TRPM7: variants seen among roughly 807,000 people sequenced by gnomAD.
TRPM7 encodes the protein transient receptor potential cation channel subfamily M member 7, also known as LTRPC ion channel family member 7.
Under a neutral mutation model 229.7 loss-of-function variants are expected in TRPM7, and 134 were observed. That is an observed-to-expected ratio of 0.58 (90% CI 0.51 to 0.67). The LOEUF (loss-of-function observed/expected upper bound fraction) is 0.67, where lower values mean the gene tolerates loss of function less well. TRPM7 is among the 30% of genes least tolerant of loss of function. The pLI is 0.00. For missense variants in TRPM7, 1,901 were observed against 2,210.0 expected (o/e 0.86, Z 2.80); for synonymous variants, 699 against 715.2 (o/e 0.98, Z 0.36).
Position 50,575,807 on chromosome 15 carries a change from A to C in TRPM7, c.4670-18T>G, listed in dbSNP as rs779023493. On this transcript the variant is annotated intron_variant, in intron 32 of 38. Transcript: ENST00000646667. ...TTCCACAGCTGCATAAAAATGAGAG[A>C]GAAATAATTAAATCTGTAAAGGTCC... 4 of 1,613,166 alleles carry C rather than the reference A, an allele frequency of 2.5e-6. No individual in the cohort carries two copies. Among genetic ancestry groups the C allele is most frequent in the Admixed American group, 3.3e-5 (2 of 59,908 alleles).
chr15:50,603,782 AG>A (rs1160370602), intron 21 of TRPM7, among the ~76,000 whole-genome samples: 6 of 152,216 alleles, frequency 3.9e-5, no homozygotes, highest in African/African-American at 1.4e-4. Flanking sequence ...AGAAACTCTA[AG>A]AATAGCTTTT....
Position 50,625,730 on chromosome 15 carries a change from T to C in TRPM7, c.1306-1430A>G, listed in dbSNP as rs2140595594. ...TTTAAGTATATACTGATGAAATGTA[T>C]GCCTTTTACATGATGGAATTTAAAG... On this transcript the variant is annotated intron_variant, in intron 11 of 38. Coordinates refer to ENST00000646667, the MANE Select transcript of TRPM7 (RefSeq NM_017672.6). Among the ~76,000 whole-genome samples, 3 of 152,328 alleles carry C rather than the reference T, an allele frequency of 2.0e-5. 1 individual carries two copies. In the East Asian group the frequency reaches 5.8e-4, roughly 29 times the overall value.
chr15:50,662,078 G>A (rs1387656545), intron 2 of TRPM7, among the ~76,000 whole-genome samples: 2 of 152,096 alleles, frequency 1.3e-5, no homozygotes, highest in Non-Finnish European at 2.9e-5. Context: ...ACTAGGGCTG[G>A]GCGCGGTGGC....
Position 50,557,309 on chromosome 15 carries a change from TGCCCA to T in TRPM7, c.*4364_*4368del. On this transcript the variant is annotated 3_prime_UTR_variant, in exon 39 of 39. Transcript: ENST00000646667. ...ATTCAGATTTTTTTTTCTTACAGTA[TGCCCA>T]TCACAAACCAGGCAGCAAGCAAGGT... 1 of 152,160 alleles carries T rather than the reference TGCCCA, an allele frequency of 6.6e-6. No individual in the cohort carries two copies. Among genetic ancestry groups the T allele is most frequent in the Non-Finnish European group, 1.5e-5 (1 of 68,032 alleles). 9.4% of individuals were successfully genotyped at this position (152,160 alleles called of 1,614,324 possible).
Position 50,605,134 on chromosome 15 carries a change from G to A in TRPM7, c.2720C>T (p.Ser907Phe). Residue 907 changes from serine to phenylalanine, a missense_variant, in exon 21 of 39, where the codon TCT (serine) becomes TTT (phenylalanine). Around this residue, in one of 8 missense-constraint regions of TRPM7, gnomAD observed 207 missense variants for 241.5 expected, o/e 0.86. Coordinates refer to ENST00000646667, the MANE Select transcript of TRPM7 (RefSeq NM_017672.6). The part of the protein sequence containing the change: ...AIEKVREIFM[S>F]EAGKVNQKIK... ...CTTCTGGTTTACTTTCCCAGCTTCA[G>A]ACATAAAGATCTAAAGGTTTAACAA... 6.3e-7 allele frequency: 1 copy of A among 1,594,054 alleles called. No individual in the cohort carries two copies. Among genetic ancestry groups the A allele is most frequent in the Non-Finnish European group, 8.5e-7 (1 of 1,172,146 alleles).
intron 7 of TRPM7, 129 bp downstream of exon 7, chr15:50,637,293 T>C (rs1309383644): frequency 1.2e-5 from 10 of 806,902 alleles, no homozygotes; most frequent in Non-Finnish European, 1.9e-5. Context: ...TCAACCACTG[T>C]TGGTTGTTTC....
intron 38 of TRPM7, among the ~76,000 whole-genome samples, chr15:50,568,656 C>A (rs1453153626): frequency 6.6e-6 from 1 of 152,070 alleles, no homozygotes; most frequent in Non-Finnish European, 1.5e-5. Context: ...TATTACAATA[C>A]TGGGCATACG....
chr15:50,605,528 T>C (rs1022234015), intron 20 of TRPM7, among the ~76,000 whole-genome samples: 1 of 152,236 alleles, frequency 6.6e-6, no homozygotes, highest in Non-Finnish European at 1.5e-5. Flanking sequence ...ATGGTTTAAG[T>C]AGCTGTATTT....
At chr15:50,673,004 T>C (rs2062024011) in intron 1 of TRPM7, among the ~76,000 whole-genome samples, 1 of 149,848 alleles carries the variant, frequency 6.7e-6, no homozygotes, top group Admixed American at 6.7e-5. Flanking sequence ...ATTACAAGAG[T>C]CAAAAAGTTT....
In TRPM7 at chr15:50,643,986, G is replaced by A. The variant is rs376215892; in HGVS notation, c.322-433C>T. Among the ~76,000 whole-genome samples, 42 of 152,312 alleles carry A rather than the reference G, an allele frequency of 2.8e-4. No individual in the cohort carries two copies. In the South Asian group the frequency reaches 8.7e-3, roughly 32 times the overall value. ...AGGCTTCTAAGGCTCTTGCTATGAAGAGAGGCAAATACTGAATTATTTGTA... is the reference window on the plus strand; with the variant it reads ...AGGCTTCTAAGGCTCTTGCTATGAAAAGAGGCAAATACTGAATTATTTGTA... On this transcript the variant is annotated intron_variant, in intron 4 of 38. Transcript: ENST00000646667.
At chr15:50,638,779 A>T (rs1318675296) in intron 6 of TRPM7, among the ~76,000 whole-genome samples, 1 of 152,058 alleles carries the variant, frequency 6.6e-6, no homozygotes, top group Admixed American at 6.6e-5. Context: ...TCTGCCTTCC[A>T]GTTTCAAGCA....
intron 10 of TRPM7, among the ~76,000 whole-genome samples, chr15:50,629,094 C>T (rs948489668): frequency 1.3e-5 from 2 of 151,946 alleles, no homozygotes; most frequent in Non-Finnish European, 2.9e-5. Flanking sequence ...AGTATGTTTT[C>T]ATGCACATGC....
intron 12 of TRPM7, 52 bp from the exon 13 acceptor site, chr15:50,619,850 T>C: frequency 6.8e-7 from 1 of 1,467,678 alleles, no homozygotes; most frequent in Admixed American, 2.0e-5. Flanking sequence ...TAAACTAATT[T>C]AAACCTTACA....
intron 1 of TRPM7, among the ~76,000 whole-genome samples, chr15:50,683,505 C>T (rs905816168): frequency 1.3e-5 from 2 of 151,192 alleles, no homozygotes; most frequent in Non-Finnish European, 2.9e-5. Context: ...GAGGCCGAGG[C>T]GGGTGGATCA....
intron 31 of TRPM7, 69 bp from the exon 32 acceptor site, chr15:50,575,988 A>G: frequency 6.9e-7 from 1 of 1,449,198 alleles, no homozygotes; most frequent in East Asian, 2.3e-5. Flanking sequence ...TAACCCGGAT[A>G]ATCTCATAAA....
chr15:50,683,719 CA>C (rs200005006), intron 1 of TRPM7, among the ~76,000 whole-genome samples: 2 of 150,502 alleles, frequency 1.3e-5, no homozygotes, highest in African/African-American at 2.4e-5. Flanking sequence ...GACTCTGTTC[CA>C]AAAAAAACAA....
At chr15:50,576,081 C>T (rs2054117723) in intron 31 of TRPM7, among the ~76,000 whole-genome samples, 162 bp from the exon 32 acceptor site, 1 of 152,154 alleles carries the variant, frequency 6.6e-6, no homozygotes, top group South Asian at 2.1e-4. Flanking sequence ...TGCTATATTA[C>T]CCTATTTCAT....
At chr15:50,585,113 C>A (rs2054632536) in intron 28 of TRPM7, among the ~76,000 whole-genome samples, 1 of 138,258 alleles carries the variant, frequency 7.2e-6, no homozygotes, top group African/African-American at 2.7e-5. Flanking sequence ...GGACTGCAGA[C>A]TGCAGTGGCG....
Position 50,634,499 on chromosome 15 carries a change from A to AT in TRPM7, c.889dup (p.Ile297AsnfsTer6). On this transcript the variant is annotated frameshift_variant, in exon 8 of 39. Transcript: ENST00000646667. LOFTEE classifies it high-confidence loss of function. ...CTGAAGGTATTCAAGAACTGTGAGG[A>AT]TAACATTTGGCCCACCCTCAAATAT... The AT allele has an allele frequency of 6.3e-7, 1 of 1,578,894 alleles. No homozygotes were observed. Among genetic ancestry groups the AT allele is most frequent in the Non-Finnish European group, 8.6e-7 (1 of 1,165,612 alleles).
Sources: allele counts gnomAD v4.1 joint callset (sites outside exome capture counted in the v4.1 genomes callset), GRCh38; gene constraint gnomAD v4.1.1; regional missense constraint gnomAD v4.1.1; transcripts MANE v1.5; gene names NCBI Gene and HGNC (gene_info 2026-07-23, HGNC 2026-07-21).